Variants in NTNG1 observed in about 807,000 individuals in gnomAD.
NTNG1 encodes netrin-G1.
Under a neutral mutation model 54.0 loss-of-function variants are expected in NTNG1, and 16 were observed. The ratio of observed to expected loss-of-function variants is 0.30; its 90% confidence interval spans 0.20 to 0.45. NTNG1 has a LOEUF of 0.45. NTNG1 is among the 20% of genes least tolerant of loss of function. The probability of loss-of-function intolerance (pLI) is 1.00; values close to 1 mark genes in which losing one functional copy is unlikely to be tolerated. For missense variants in NTNG1, 530 were observed against 678.7 expected (o/e 0.78, Z 2.43); for synonymous variants, 255 against 263.1 (o/e 0.97, Z 0.30).
chr1:107,321,338 G>T lies in NTNG1; in HGVS notation c.247-2944G>T, dbSNP rs142754846. 2.4e-4 allele frequency among the ~76,000 whole-genome samples: 37 copies of T among 151,948 alleles called. No homozygotes were observed. In the East Asian group the frequency reaches 6.6e-3, roughly 27 times the overall value. On this transcript the variant is annotated intron_variant, in intron 2 of 7. Coordinates refer to ENST00000370068, the MANE Select transcript of NTNG1 (RefSeq NM_001113226.3). ...TGAATCTTTACTCTCATTTTTTTAG[G>T]TGCCTGAAGCACCAGATCTGTGCCA... is the stretch of plus-strand genomic sequence containing the variant.
chr1:107,416,236 T>C (rs1674189651), intron 5 of NTNG1, among the ~76,000 whole-genome samples: 1 of 152,076 alleles, frequency 6.6e-6, no homozygotes. Context: ...GATCCGGATT[T>C]TCATATGATG....
intron 2 of NTNG1, among the ~76,000 whole-genome samples, chr1:107,275,568 C>A (rs1387714479): frequency 6.6e-6 from 1 of 151,942 alleles, no homozygotes; most frequent in African/African-American, 2.4e-5. Context: ...TAGTTCCAGT[C>A]CAAAGACCAG....
At chr1:107,325,282 T>C (rs1164265199) in intron 3 of NTNG1, among the ~76,000 whole-genome samples, 1 of 152,112 alleles carries the variant, frequency 6.6e-6, no homozygotes, top group Non-Finnish European at 1.5e-5. Context: ...CATACCATTG[T>C]TTACAAATGC....
intron 7 of NTNG1, among the ~76,000 whole-genome samples, chr1:107,448,914 A>G (rs1676459805): frequency 6.6e-6 from 1 of 152,114 alleles, no homozygotes; most frequent in African/African-American, 2.4e-5. Context: ...TTAATATAGT[A>G]TATTGCATTT....
chr1:107,303,753 C>G (rs1407030980), intron 2 of NTNG1, among the ~76,000 whole-genome samples: 1 of 152,120 alleles, frequency 6.6e-6, no homozygotes, highest in Admixed American at 6.5e-5. Flanking sequence ...GTGGAACGAT[C>G]TCGGCTCACT....
At chr1:107,312,867 A>G (rs1029739285) in intron 2 of NTNG1, among the ~76,000 whole-genome samples, 1 of 152,222 alleles carries the variant, frequency 6.6e-6, no homozygotes, top group Non-Finnish European at 1.5e-5. Context: ...ATTTATAGAA[A>G]AGATGCATAC....
chr1:107,217,213 T>C (rs536489848), intron 2 of NTNG1, among the ~76,000 whole-genome samples: 7 of 152,148 alleles, frequency 4.6e-5, no homozygotes, highest in Non-Finnish European at 1.0e-4. Context: ...CTCCTCTAGG[T>C]TTTCTAGTTT....
intron 1 of NTNG1, among the ~76,000 whole-genome samples, chr1:107,144,388 G>GA (rs755591177): frequency 3.3e-5 from 5 of 151,834 alleles, no homozygotes; most frequent in East Asian, 1.9e-4. Flanking sequence ...GAATATTTAT[G>GA]AAAAAAATAG....
At chr1:107,473,311 G>A (rs923045198) in intron 7 of NTNG1, among the ~76,000 whole-genome samples, 20 of 152,148 alleles carry the variant, frequency 1.3e-4, no homozygotes, top group African/African-American at 4.3e-4. Flanking sequence ...ACAAAACCCA[G>A]AGAAAAGAAA....
chr1:107,274,811 A>G (rs1266295762), intron 2 of NTNG1, among the ~76,000 whole-genome samples: 1 of 152,158 alleles, frequency 6.6e-6, no homozygotes, highest in Non-Finnish European at 1.5e-5. Flanking sequence ...TGTTAAAATT[A>G]TTTATCAGCA....
intron 3 of NTNG1, among the ~76,000 whole-genome samples, chr1:107,332,329 G>A (rs6583022): frequency 0.82 from 124,046 of 151,582 alleles, 52,214 homozygotes; most frequent in Middle Eastern, 0.95. Context: ...CTAGTGGGTC[G>A]TTAAAGGGAA....
chr1:107,325,026 GTTTTC>G, intron 3 of NTNG1, 104 bp downstream of exon 3: 1 of 1,170,764 alleles, frequency 8.5e-7, no homozygotes, highest in Non-Finnish European at 1.2e-6. Flanking sequence ...CTACTGCAAC[GTTTTC>G]TTCAGGAACT....
At chr1:107,224,879 C>T (rs561856552) in intron 2 of NTNG1, among the ~76,000 whole-genome samples, 1 of 152,192 alleles carries the variant, frequency 6.6e-6, no homozygotes, top group East Asian at 1.9e-4. Context: ...TGGTCTGAGA[C>T]CCCCCTCTGC....
intron 2 of NTNG1, among the ~76,000 whole-genome samples, chr1:107,228,182 A>G (rs1207751275): frequency 1.3e-5 from 2 of 152,168 alleles, no homozygotes; most frequent in African/African-American, 4.8e-5. Flanking sequence ...AGTTGAAACA[A>G]TGCTTCCAAG....
chr1:107,379,219 G>T (rs1264605597), intron 3 of NTNG1, among the ~76,000 whole-genome samples: 4 of 152,152 alleles, frequency 2.6e-5, no homozygotes, highest in Non-Finnish European at 4.4e-5. Flanking sequence ...AAACCTCAAG[G>T]TCTGGAACTG....
chr1:107,347,640 CTG>C lies in NTNG1; in HGVS notation c.887+22722_887+22723del, dbSNP rs1669329545. ...AGAATTGTTATTTGTCATGATTTATCTGTGTTAGTCCATTCTCACACTGCTAT... is the reference window on the plus strand; with the variant it reads ...AGAATTGTTATTTGTCATGATTTATCTGTTAGTCCATTCTCACACTGCTAT... On this transcript the variant is annotated intron_variant, in intron 3 of 7. Coordinates refer to ENST00000370068, the MANE Select transcript of NTNG1 (RefSeq NM_001113226.3). Among the ~76,000 whole-genome samples the C allele has an allele frequency of 2.6e-5, 4 of 152,154 alleles. No homozygotes were observed. The South Asian group carries it at 8.3e-4, about 31-fold the overall frequency.
rs1055906825 is a variant in NTNG1 at position 107,257,450 on chromosome 1, C to T, written c.247-66832C>T. ...TCTCTTTAATATTTTGCCTCAACTT[C>T]GCAGTCAGCTCTTTGGAACTAGAGG... On this transcript the variant is annotated intron_variant, in intron 2 of 7. Transcript: ENST00000370068. Among the ~76,000 whole-genome samples the T allele has an allele frequency of 4.6e-5, 7 of 152,292 alleles. No homozygotes were observed. The South Asian group carries it at 6.2e-4, about 14-fold the overall frequency.
At chr1:107,197,267 G>A (rs1443172956) in intron 2 of NTNG1, among the ~76,000 whole-genome samples, 1 of 151,904 alleles carries the variant, frequency 6.6e-6, no homozygotes, top group Non-Finnish European at 1.5e-5. Flanking sequence ...AAACTAGGTA[G>A]GTCTCTGCTG....
intron 3 of NTNG1, among the ~76,000 whole-genome samples, chr1:107,336,106 G>A (rs1043004123): frequency 2.6e-5 from 4 of 151,678 alleles, no homozygotes; most frequent in Admixed American, 2.6e-4. Context: ...AGAATTTTAA[G>A]GGACCTGGAA....
Sources: allele counts gnomAD v4.1 joint callset (sites outside exome capture counted in the v4.1 genomes callset), GRCh38; gene constraint gnomAD v4.1.1; transcripts MANE v1.5; gene names NCBI Gene and HGNC (gene_info 2026-07-23, HGNC 2026-07-21).